The following DLGAP4 variants were observed in gnomAD, a reference collection of about 807,000 sequenced individuals.
The protein encoded by DLGAP4 is disks large-associated protein 4.
A neutral mutation model predicts 86.9 loss-of-function variants in DLGAP4; 18 were observed. That is an observed-to-expected ratio of 0.21 (90% CI 0.14 to 0.31). The LOEUF (loss-of-function observed/expected upper bound fraction) is 0.31. Among genes scored for constraint, DLGAP4 ranks in the 10% least tolerant of loss-of-function variants. DLGAP4 has a pLI of 1.00. For missense variants in DLGAP4, 1,085 were observed against 1,362.6 expected (o/e 0.80, Z 3.21); for synonymous variants, 548 against 574.3 (o/e 0.95, Z 0.65).
chr20:36,454,258 C>CA (rs11436010), intron 7 of DLGAP4, among the ~76,000 whole-genome samples: 95,537 of 135,794 alleles, frequency 0.7, 33,306 homozygotes, highest in Middle Eastern at 0.81. Flanking sequence ...GACTCTGTCT[C>CA]AAAAAAAAAA....
intron 7 of DLGAP4, among the ~76,000 whole-genome samples, chr20:36,469,730 G>A (rs758903988): frequency 9.0e-4 from 134 of 148,172 alleles, no homozygotes; most frequent in Non-Finnish European, 5.0e-4. Flanking sequence ...TCCAGCCTGG[G>A]CAACAGAGCA....
chr20:36,510,014 GC>G (rs1235210136), intron 10 of DLGAP4, among the ~76,000 whole-genome samples: 1 of 149,834 alleles, frequency 6.7e-6, no homozygotes, highest in Non-Finnish European at 1.5e-5. Context: ...GCGCCACCAC[GC>G]CCCACTAATT....
At chr20:36,499,705 C>A (rs779598067) in intron 9 of DLGAP4, 29 bp downstream of exon 9, 3 of 1,568,910 alleles carry the variant, frequency 1.9e-6, no homozygotes, top group Non-Finnish European at 2.6e-6. Flanking sequence ...GCGGCTGCTT[C>A]TCCCCTCTCC....
At chr20:36,462,723 C>G in intron 7 of DLGAP4, 1 of 1,319,202 alleles carries the variant, frequency 7.6e-7, no homozygotes, top group South Asian at 1.5e-5. Context: ...AGGCCTCCCA[C>G]AAAGGGGGAA....
intron 10 of DLGAP4, among the ~76,000 whole-genome samples, chr20:36,514,188 A>T (rs2036900921): frequency 6.6e-6 from 1 of 152,168 alleles, no homozygotes; most frequent in Non-Finnish European, 1.5e-5. Flanking sequence ...AAGGCAGCTG[A>T]AGGGCTCACC....
At chr20:36,487,292 G>A (rs1475826274) in intron 7 of DLGAP4, among the ~76,000 whole-genome samples, 1 of 152,182 alleles carries the variant, frequency 6.6e-6, no homozygotes, top group Non-Finnish European at 1.5e-5. Context: ...GCTGCCTAGT[G>A]CACTGGGACT....
In DLGAP4 at chr20:36,334,971, C is replaced by T. The variant is rs145506275; in HGVS notation, c.-304+28459C>T. Among the ~76,000 whole-genome samples, 896 of 152,244 alleles carry T rather than the reference C, an allele frequency of 5.9e-3. 12 individuals are homozygous for T. Among genetic ancestry groups the T allele is most frequent in the African/African-American group, 0.021 (858 of 41,534 alleles). The stretch of plus-strand genomic sequence containing the variant: ...ACGCCAGGTGCCCATTTTAATTCTC[C>T]GACAGTCATACTGCTTTATTGTTCC... On this transcript the variant is annotated intron_variant, in intron 1 of 12. Transcript: ENST00000339266.
chr20:36,370,371 G>A (rs758418859), intron 2 of DLGAP4, among the ~76,000 whole-genome samples: 6 of 151,724 alleles, frequency 4.0e-5, no homozygotes, highest in Non-Finnish European at 5.9e-5. Context: ...TGAGTGTGGT[G>A]GCTACTTGGG....
chr20:36,491,955 C>T (rs2035682759), intron 7 of DLGAP4, among the ~76,000 whole-genome samples: 1 of 152,180 alleles, frequency 6.6e-6, no homozygotes, highest in Admixed American at 6.5e-5. Context: ...CAGTTGACTC[C>T]TCCAAGCCCG....
In DLGAP4 at chr20:36,526,795, C is replaced by A. The variant is rs1209138220; in HGVS notation, c.2761-18C>A. On this transcript the variant is annotated intron_variant, in intron 12 of 12. Coordinates refer to ENST00000339266, the MANE Select transcript of DLGAP4 (RefSeq NM_001365621.2). Reference sequence around the variant, plus strand: ...ACCTTTATTTTATTTTTGTTCTCTCCTCACTGTCTCACTAAAGGAAGAGAA... The same window carrying A: ...ACCTTTATTTTATTTTTGTTCTCTCATCACTGTCTCACTAAAGGAAGAGAA... 1 of 1,579,118 alleles carries A rather than the reference C, an allele frequency of 6.3e-7. No individual in the cohort carries two copies. The highest frequency in any genetic ancestry group is 8.6e-7 in the Non-Finnish European group (1 of 1,164,934).
At chr20:36,435,297 G>A (rs537820492) in intron 3 of DLGAP4, among the ~76,000 whole-genome samples, 8 of 152,268 alleles carry the variant, frequency 5.3e-5, no homozygotes, top group Admixed American at 2.0e-4. Context: ...TTGTGTTTCC[G>A]TAACAGTGTG....
chr20:36,462,637 C>T (rs762709080), intron 7 of DLGAP4: 4 of 1,565,678 alleles, frequency 2.6e-6, no homozygotes, highest in Admixed American at 4.0e-5. Context: ...CGGAGTTGGC[C>T]CGCAGGCTGG....
chr20:36,333,733 G>A (rs1478316323), intron 1 of DLGAP4, among the ~76,000 whole-genome samples: 5 of 152,238 alleles, frequency 3.3e-5, no homozygotes, highest in African/African-American at 1.2e-4. Flanking sequence ...GCCCCTGCTG[G>A]CCTCGAAGCC....
At chr20:36,322,824 T>C (rs1555890675) in intron 1 of DLGAP4, among the ~76,000 whole-genome samples, 1 of 152,158 alleles carries the variant, frequency 6.6e-6, no homozygotes, top group Admixed American at 6.5e-5. Context: ...AAGCAGATAG[T>C]ATAGCTTGAT....
At chr20:36,438,370 T>A in intron 4 of DLGAP4, among the ~76,000 whole-genome samples, 1 of 73,792 alleles carries the variant, frequency 1.4e-5, no homozygotes, top group East Asian at 3.8e-4. Context: ...TGAGACTGTC[T>A]CAAAAAAAAA....
rs545038879 is a variant in DLGAP4 at position 36,431,673 on chromosome 20, C to T, written c.-45C>T. 2.0e-5 allele frequency: 31 copies of T among 1,522,284 alleles called. No homozygotes were observed. Among genetic ancestry groups the T allele is most frequent in the South Asian group, 1.7e-4 (13 of 76,894 alleles). The allele number at this position is 1,522,284 out of a possible 1,614,324, so 94.3% of individuals were successfully genotyped here. On this transcript the variant is annotated 5_prime_UTR_variant, in exon 3 of 13. Transcript: ENST00000339266. This position sits in a 1 kb window ranked among gnomAD's most constrained non-coding sequence, Gnocchi z 5.1. ...TAGCTGCCGCCCGGGAGAGGTGACC[C>T]GGGCGCCCTGCTAGGGTGAAGGCCC...
intron 2 of DLGAP4, among the ~76,000 whole-genome samples, chr20:36,383,352 A>G (rs773812461): frequency 2.0e-5 from 3 of 152,232 alleles, no homozygotes; most frequent in Non-Finnish European, 2.9e-5. Flanking sequence ...GGAGTGGGAC[A>G]GGCTGAAGGA....
intron 7 of DLGAP4, among the ~76,000 whole-genome samples, chr20:36,465,939 A>T (rs2034332542): frequency 1.3e-5 from 2 of 152,226 alleles, no homozygotes; most frequent in South Asian, 4.1e-4. Context: ...TCCCCCAGGA[A>T]GTTTGTCCTT....
rs537398207 is a variant in DLGAP4 at position 36,466,732 on chromosome 20, A to G, written c.1648+19795A>G. Among the ~76,000 whole-genome samples the G allele has an allele frequency of 2.0e-5, 3 of 152,358 alleles. No individual in the cohort carries two copies. In the South Asian group the frequency reaches 6.2e-4, roughly 32 times the overall value. On this transcript the variant is annotated intron_variant, in intron 7 of 12. Transcript: ENST00000339266. ...TGTTCCACAGCATGGAGGCAGGCCCAGGGACGGGTAGGGATGCCTAGGATC... is the reference window on the plus strand; with the variant it reads ...TGTTCCACAGCATGGAGGCAGGCCCGGGGACGGGTAGGGATGCCTAGGATC...
Sources: allele counts gnomAD v4.1 joint callset (sites outside exome capture counted in the v4.1 genomes callset), GRCh38; gene constraint gnomAD v4.1.1; non-coding constraint Gnocchi (gnomAD v3.1); transcripts MANE v1.5; gene names NCBI Gene and HGNC (gene_info 2026-07-23, HGNC 2026-07-21).